The following DUSP22 variants were observed in gnomAD, a reference collection of about 807,000 sequenced individuals.
DUSP22 encodes dual specificity phosphatase 22, also known as dual specificity protein phosphatase 22.
A neutral mutation model predicts 24.5 loss-of-function variants in DUSP22; 24 were observed. The observed-to-expected ratio is 0.98, with a 90% CI of 0.71 to 1.38. The LOEUF (loss-of-function observed/expected upper bound fraction) is 1.38, where lower values mean the gene tolerates loss of function less well. Ranked by LOEUF, DUSP22 falls within the 40% of genes most tolerant of loss-of-function variation. DUSP22 has a pLI of 0.00. For synonymous variants in DUSP22, 160 were observed against 106.4 expected (o/e 1.50, Z -3.10); for missense variants, 330 against 269.2 (o/e 1.23, Z -1.58).
chr6:346,473 A>G (rs1414485237), intron 5 of DUSP22, among the ~76,000 whole-genome samples: 1 of 152,262 alleles, frequency 6.6e-6, no homozygotes, highest in Non-Finnish European at 1.5e-5. Context: ...AAAGAAAGCT[A>G]CTGTATCACG....
chr6:302,217 CAAGA>C (rs1757611404), intron 1 of DUSP22, among the ~76,000 whole-genome samples: 1 of 152,300 alleles, frequency 6.6e-6, no homozygotes, highest in Non-Finnish European at 1.5e-5. Context: ...ATACCATTTT[CAAGA>C]TATATTAAGT....
At chr6:346,079 C>G in intron 5 of DUSP22, 151 bp downstream of exon 5, 1 of 1,011,442 alleles carries the variant, frequency 9.9e-7, no homozygotes, top group South Asian at 1.6e-5. Context: ...TTGTCCAGCG[C>G]TGTGTGTTAG....
At chr6:316,700 G>T (rs1412193296) in intron 3 of DUSP22, among the ~76,000 whole-genome samples, 1 of 152,296 alleles carries the variant, frequency 6.6e-6, no homozygotes, top group Non-Finnish European at 1.5e-5. Flanking sequence ...TTTTCATTTT[G>T]TGTATTTAAG....
intron 2 of DUSP22, among the ~76,000 whole-genome samples, chr6:306,374 G>A (rs1445385238): frequency 3.9e-5 from 6 of 152,304 alleles, no homozygotes; most frequent in Non-Finnish European, 1.5e-5. Context: ...ACAGCTTTAA[G>A]GAAATATTTA....
In DUSP22 at chr6:351,172, G is replaced by A; in HGVS notation, c.*2221G>A. ...CTTGGCGCTCGTGATTGCTTCCTGT[G>A]AACGCCTCCCAAGGACGAGCCCAGT... On this transcript the variant is annotated 3_prime_UTR_variant, in exon 7 of 7. Transcript: ENST00000419235. 1 of 455,490 alleles carries A rather than the reference G, an allele frequency of 2.2e-6. No individual in the cohort carries two copies. The highest frequency in any genetic ancestry group is 3.9e-6 in the Non-Finnish European group (1 of 253,332). The allele number at this position is 455,490 out of a possible 1,614,324, so 28.2% of individuals were successfully genotyped here. A position where few individuals can be genotyped will look rare whatever the true frequency, so the allele number is the denominator to read the frequency against.
At chr6:308,148 C>G (rs1757905862) in intron 2 of DUSP22, among the ~76,000 whole-genome samples, 1 of 152,296 alleles carries the variant, frequency 6.6e-6, no homozygotes. Flanking sequence ...ATCAAGTAGA[C>G]ATGGGGTCTA....
chr6:304,263 C>T (rs942226521), intron 1 of DUSP22, among the ~76,000 whole-genome samples: 4 of 152,302 alleles, frequency 2.6e-5, no homozygotes. Context: ...CTGCAGTGGG[C>T]ACCGTGTGTG....
chr6:317,330 A>G (rs1182908398), intron 3 of DUSP22, among the ~76,000 whole-genome samples: 2 of 152,302 alleles, frequency 1.3e-5, no homozygotes, highest in African/African-American at 4.8e-5. Flanking sequence ...TTGCTGATCC[A>G]CCCCATTTCT....
At chr6:346,429 G>C (rs112355826) in intron 5 of DUSP22, among the ~76,000 whole-genome samples, 1 of 151,200 alleles carries the variant, frequency 6.6e-6, no homozygotes, top group African/African-American at 2.4e-5. Context: ...ATTTTGTGTA[G>C]ACACACACAC....
rs529686160 is a variant in DUSP22, at chr6:341,527, C to A, written c.189-4327C>A. Among the ~76,000 whole-genome samples the A allele has an allele frequency of 5.7e-4, 87 of 152,390 alleles. No homozygotes were observed. In the Middle Eastern group the frequency reaches 0.014, roughly 24 times the overall value. On this transcript the variant is annotated intron_variant, in intron 4 of 6. Coordinates refer to ENST00000419235, the MANE Select transcript of DUSP22 (RefSeq NM_001286555.3). ...GGCAGTGCGCTCGCCTGCCTCTGGG[C>A]TTTTCTTGGAAAAGGCATTTCTAGG...
rs1759996943 is a variant in DUSP22, at chr6:348,483, T to G, written c.435+209T>G. On this transcript the variant is annotated intron_variant, in intron 6 of 6. Transcript: ENST00000419235. ...GCCACAGGCGCCTACCCTTTGTCAT[T>G]CTCCTTGTGCCTGGTACTCCCTACT... 4 of 896,830 alleles carry G rather than the reference T, an allele frequency of 4.5e-6. No homozygotes were observed. In the East Asian group the frequency reaches 1.1e-4, roughly 24 times the overall value. The allele number at this position is 896,830 out of a possible 1,614,324, so 55.6% of individuals were successfully genotyped here. A position where few individuals can be genotyped will look rare whatever the true frequency, so the allele number is the denominator to read the frequency against.
chr6:348,484 C>G (rs2127423864), intron 6 of DUSP22: 1 of 884,108 alleles, frequency 1.1e-6, no homozygotes, highest in South Asian at 1.8e-5. Context: ...CTTTGTCATT[C>G]TCCTTGTGCC....
At chr6:323,106 TGAGA>T (rs1758686884) in intron 3 of DUSP22, among the ~76,000 whole-genome samples, 1 of 152,306 alleles carries the variant, frequency 6.6e-6, no homozygotes, top group Non-Finnish European at 1.5e-5. Flanking sequence ...TTTAAAACTC[TGAGA>T]GTGAAGCAAT....
chr6:339,105 C>T (rs1340175518), intron 4 of DUSP22, among the ~76,000 whole-genome samples: 1 of 152,302 alleles, frequency 6.6e-6, no homozygotes, highest in African/African-American at 2.4e-5. Flanking sequence ...CCCCACAGAC[C>T]TACTGTGGTG....
intron 3 of DUSP22, among the ~76,000 whole-genome samples, chr6:329,722 G>A (rs1242085107): frequency 1.3e-5 from 2 of 152,306 alleles, no homozygotes; most frequent in Non-Finnish European, 2.9e-5. Context: ...AAAGTGCTGG[G>A]ATTGCAGGCA....
At chr6:307,787 C>A (rs1383373059) in intron 2 of DUSP22, among the ~76,000 whole-genome samples, 1 of 152,294 alleles carries the variant, frequency 6.6e-6, no homozygotes, top group Non-Finnish European at 1.5e-5. Context: ...TGCATTGAGA[C>A]CATGTTCGCA....
At chr6:335,231 G>A in intron 4 of DUSP22, 68 bp downstream of exon 4, 7 of 1,578,560 alleles carry the variant, frequency 4.4e-6, no homozygotes, top group Non-Finnish European at 6.1e-6. Context: ...TAAAGTCAGA[G>A]AAGTAGAAGA....
intron 2 of DUSP22, among the ~76,000 whole-genome samples, chr6:305,785 A>G (rs1403145585): frequency 6.6e-6 from 1 of 152,304 alleles, no homozygotes; most frequent in Non-Finnish European, 1.5e-5. Context: ...GTCCCCACTC[A>G]TGTTAGGTTG....
chr6:322,339 T>C (rs1177353490), intron 3 of DUSP22, among the ~76,000 whole-genome samples: 1 of 152,304 alleles, frequency 6.6e-6, no homozygotes, highest in Non-Finnish European at 1.5e-5. Context: ...TCTTTGTTAC[T>C]CCTGTAACCC....
Sources: allele counts gnomAD v4.1 joint callset (sites outside exome capture counted in the v4.1 genomes callset), GRCh38; gene constraint gnomAD v4.1.1; transcripts MANE v1.5; gene names NCBI Gene and HGNC (gene_info 2026-07-23, HGNC 2026-07-21).